Variants in POLR2B observed in about 807,000 individuals in gnomAD.
POLR2B encodes RNA polymerase II subunit B, also known as DNA-directed RNA polymerase II subunit RPB2.
In POLR2B, 57 loss-of-function variants were observed where a neutral mutation model predicts 144.6. That is an observed-to-expected ratio of 0.39 (90% confidence interval 0.32 to 0.49). The LOEUF (loss-of-function observed/expected upper bound fraction) is 0.49, where lower values mean the gene tolerates loss of function less well. POLR2B is among the 20% of genes least tolerant of loss of function. The pLI, the probability that POLR2B is intolerant of heterozygous loss-of-function variation, is 0.83. For missense variants in POLR2B, 595 were observed against 1,467.4 expected, an observed-to-expected ratio of 0.41 and a Z score of 9.71; for synonymous variants, 442 against 469.8, an observed-to-expected ratio of 0.94 and a Z score of 0.77.
chr4:57,013,998 G>A (rs1371337668), intron 13 of POLR2B, among the ~76,000 whole-genome samples: 1 of 151,320 alleles, frequency 6.6e-6, no homozygotes, highest in African/African-American at 2.4e-5. Context: ...TATTCTGTTA[G>A]GAATGTTAGT....
In POLR2B at chr4:57,017,530, G is replaced by C; in HGVS notation, c.2155-30G>C. On this transcript the variant is annotated intron_variant, in intron 15 of 24. Coordinates refer to ENST00000314595, the MANE Select transcript of POLR2B (RefSeq NM_000938.3). The surrounding 1 kb of genome is among the most constrained non-coding windows in gnomAD (Gnocchi z 4.8). ...TTTCCATTAGTGATAGTAACTTTTT[G>C]TTGTTTCTGCTTTTCATTTTTACGT... 6.5e-7 allele frequency: 1 copy of C among 1,537,476 alleles called. No individual in the cohort carries two copies. The highest frequency in any genetic ancestry group is 8.8e-7 in the Non-Finnish European group (1 of 1,141,100).
intron 3 of POLR2B, among the ~76,000 whole-genome samples, chr4:56,993,914 G>A (rs1395034618): frequency 6.6e-6 from 1 of 152,128 alleles, no homozygotes; most frequent in African/African-American, 2.4e-5. Context: ...TTGTATTTTT[G>A]ATGATGCTTA....
chr4:56,989,970 C>A (rs549192737), intron 2 of POLR2B, among the ~76,000 whole-genome samples: 1 of 152,284 alleles, frequency 6.6e-6, no homozygotes, highest in East Asian at 1.9e-4. Flanking sequence ...ATTTTTATCA[C>A]CAGTCTTTTG....
intron 23 of POLR2B, among the ~76,000 whole-genome samples, chr4:57,027,490 T>C (rs1052338073): frequency 1.3e-5 from 2 of 152,070 alleles, no homozygotes; most frequent in African/African-American, 4.8e-5. Context: ...TATTTTTTAG[T>C]AGAGACAGGG....
chr4:57,021,546 G>A (rs1723551402), intron 17 of POLR2B, among the ~76,000 whole-genome samples: 1 of 145,818 alleles, frequency 6.9e-6, no homozygotes, highest in Admixed American at 7.0e-5. Flanking sequence ...GAATGCAGTG[G>A]TGCAATCTTG....
rs1230339743 is a variant in POLR2B, at chr4:57,023,667, C to T, written c.2772C>T (p.Arg924=). 1 of 1,612,206 alleles carries T rather than the reference C, an allele frequency of 6.2e-7. No individual in the cohort carries two copies. The highest frequency in any genetic ancestry group is 2.2e-5 in the East Asian group (1 of 44,856). ...EGYKFCKIRV[R]SVRIPQIGDK... ...TTATTTTTATATGAATTTAGGTACG[C>T]TCTGTTAGGATTCCACAGATTGGAG... The change falls in exon 20 of 25, where the codon CGC becomes CGT. Residue 924 remains arginine (R), a synonymous_variant. Coordinates refer to ENST00000314595, the MANE Select transcript of POLR2B (RefSeq NM_000938.3). This position sits in a 1 kb window ranked among gnomAD's most constrained non-coding sequence, Gnocchi z 4.3.
chr4:56,997,830 A>T (rs1035502404), intron 6 of POLR2B, among the ~76,000 whole-genome samples: 5 of 152,212 alleles, frequency 3.3e-5, no homozygotes, highest in African/African-American at 1.2e-4. Flanking sequence ...CCCATTTCCA[A>T]ATCTGCTGAC....
At chr4:56,997,697 T>C (rs529116967) in intron 6 of POLR2B, among the ~76,000 whole-genome samples, 1 of 152,306 alleles carries the variant, frequency 6.6e-6, no homozygotes, top group East Asian at 1.9e-4. Context: ...ATAGCTCTAA[T>C]TGAGCTGGAT....
intron 10 of POLR2B, among the ~76,000 whole-genome samples, chr4:57,007,944 A>G (rs1452906219): frequency 6.6e-6 from 1 of 152,160 alleles, no homozygotes; most frequent in East Asian, 1.9e-4. Context: ...CCTTTTTCCT[A>G]GAAATCTGGA....
In POLR2B at chr4:56,996,205, C is replaced by CGTGTGTGT. The variant is rs1325314185; in HGVS notation, c.735+796_735+797insGTGTGTGT. Among the ~76,000 whole-genome samples, 184 of 41,148 alleles carry CGTGTGTGT rather than the reference C, an allele frequency of 4.5e-3. 1 individual carries two copies. Among genetic ancestry groups the CGTGTGTGT allele is most frequent in the Admixed American group, 0.015 (41 of 2,782 alleles). 27.0% of individuals were successfully genotyped at this position (41,148 alleles called of 152,430 possible). A position where few individuals can be genotyped will look rare whatever the true frequency, so the allele number is the denominator to read the frequency against. On this transcript the variant is annotated intron_variant, in intron 6 of 24. Coordinates refer to ENST00000314595, the MANE Select transcript of POLR2B (RefSeq NM_000938.3). The stretch of plus-strand genomic sequence containing the variant: ...ATCTTGGAAAACCTCTATTTCAGTT[C>CGTGTGTGT]ATGTGTGTGTGTGTGTGTGTGTGTG...
At chr4:57,018,321 G>A (rs1336933714) in intron 16 of POLR2B, among the ~76,000 whole-genome samples, 5 of 152,148 alleles carry the variant, frequency 3.3e-5, no homozygotes, top group Non-Finnish European at 1.5e-5. Flanking sequence ...AGCTAATTTA[G>A]GGGTTTTTGC....
intron 6 of POLR2B, among the ~76,000 whole-genome samples, chr4:56,996,264 A>ATG (rs1722680264): frequency 1.4e-5 from 1 of 72,422 alleles, no homozygotes; most frequent in African/African-American, 7.1e-5. Flanking sequence ...GTGTGTGTGT[A>ATG]TATATATATA....
chr4:56,986,361 A>G lies in POLR2B; in HGVS notation c.27A>G (p.Gln9=), dbSNP rs1722332915. The G allele has an allele frequency of 2.5e-6, 4 of 1,605,588 alleles. No homozygotes were observed. Among genetic ancestry groups the G allele is most frequent in the Non-Finnish European group, 3.4e-6 (4 of 1,172,370 alleles). Residue 9 remains glutamine, a synonymous_variant, in exon 2 of 25, where the codon CAA becomes CAG. Transcript: ENST00000314595. MYDADEDM[Q]YDEDDDEITP... ...ATATTTTTGTTTTTACAGATATGCA[A>G]TATGATGAGGATGATGATGAAATCA...
At chr4:56,979,104 C>T in intron 1 of POLR2B, 100 bp downstream of exon 1, 1 of 1,205,292 alleles carries the variant, frequency 8.3e-7, no homozygotes, top group East Asian at 2.3e-5. Context: ...CATGCGCCGG[C>T]TGCACAGTCC....
chr4:57,020,004 A>C (rs1273281145), intron 16 of POLR2B, among the ~76,000 whole-genome samples: 9 of 152,082 alleles, frequency 5.9e-5, no homozygotes, highest in Admixed American at 5.9e-4. Context: ...TTGTTTCCTC[A>C]TGATGATATC....
At chr4:57,011,511 G>C (rs978269026) in intron 13 of POLR2B, among the ~76,000 whole-genome samples, 4 of 149,534 alleles carry the variant, frequency 2.7e-5, no homozygotes, top group Admixed American at 2.7e-4. Flanking sequence ...CTGGGTGACA[G>C]AGTGGGTCTC....
At chr4:57,002,531 A>G (rs1055870486) in intron 7 of POLR2B, among the ~76,000 whole-genome samples, 6 of 151,908 alleles carry the variant, frequency 3.9e-5, no homozygotes, top group African/African-American at 1.5e-4. Flanking sequence ...TTTCTAATCT[A>G]TATTTTAACA....
At chr4:57,012,923 G>A (rs1211704530) in intron 13 of POLR2B, among the ~76,000 whole-genome samples, 2 of 151,356 alleles carry the variant, frequency 1.3e-5, no homozygotes, top group Admixed American at 6.6e-5. Flanking sequence ...TCACTGCAAC[G>A]TCTGCCTCCC....
chr4:56,994,172 GA>G (rs755702428), intron 3 of POLR2B, among the ~76,000 whole-genome samples: 2 of 151,924 alleles, frequency 1.3e-5, no homozygotes, highest in African/African-American at 2.4e-5. Flanking sequence ...TGTCTAATGT[GA>G]AAAAAAATTT....
Sources: gnomAD v4.1 joint callset for allele counts (sites outside exome capture counted in the v4.1 genomes callset) on GRCh38, gnomAD v4.1.1 for gene constraint, Gnocchi (gnomAD v3.1) non-coding constraint, MANE v1.5 for transcripts, NCBI Gene and HGNC (gene_info 2026-07-23, HGNC 2026-07-21) for gene names.